The following PDE4D variants were observed in gnomAD, a reference collection of about 807,000 sequenced individuals.
The protein encoded by PDE4D is 3',5'-cyclic-AMP phosphodiesterase 4D.
A neutral mutation model predicts 87.4 loss-of-function variants in PDE4D; 24 were observed. That is an observed-to-expected ratio of 0.27 (90% confidence interval 0.20 to 0.39). The LOEUF is 0.39. Among genes scored for constraint, PDE4D ranks in the 10% least tolerant of loss-of-function variants. The pLI, the probability that PDE4D is intolerant of heterozygous loss-of-function variation, is 1.00. For missense variants in PDE4D, 714 were observed against 1,041.0 expected, an observed-to-expected ratio of 0.69 and a Z score of 4.32; for synonymous variants, 384 against 383.2, an observed-to-expected ratio of 1.00 and a Z score of -0.02.
intron 1 of PDE4D, among the ~76,000 whole-genome samples, chr5:60,297,102 G>T (rs560834605): frequency 7.2e-5 from 11 of 152,162 alleles, no homozygotes; most frequent in African/African-American, 2.6e-4. Context: ...TATAAAAAAA[G>T]GTTTGAGTAT....
At chr5:59,081,874 C>T (rs917666407) in intron 5 of PDE4D, among the ~76,000 whole-genome samples, 6 of 152,016 alleles carry the variant, frequency 3.9e-5, no homozygotes, top group South Asian at 2.1e-4. Flanking sequence ...CCATGTGTTG[C>T]GGGAGGGACT....
intron 1 of PDE4D, among the ~76,000 whole-genome samples, chr5:60,465,487 G>T (rs1747280890): frequency 1.3e-5 from 2 of 152,090 alleles, no homozygotes; most frequent in Admixed American, 6.6e-5. Flanking sequence ...GTTCATTTAA[G>T]ATGGTCCAAG....
At chr5:59,987,322 G>C (rs1762549477) in intron 3 of PDE4D, 1 of 152,156 alleles carries the variant, frequency 6.6e-6, no homozygotes, top group Non-Finnish European at 1.5e-5. Flanking sequence ...CAATGTGTGT[G>C]CATTCTTCTT....
chr5:59,735,740 C>T (rs1445426996), intron 1 of PDE4D, among the ~76,000 whole-genome samples: 2 of 152,040 alleles, frequency 1.3e-5, no homozygotes, highest in African/African-American at 4.8e-5. Context: ...GATCTCAGCT[C>T]ACTGAAACCT....
At chr5:60,057,920 C>G (rs1770957244) in intron 2 of PDE4D, among the ~76,000 whole-genome samples, 1 of 151,930 alleles carries the variant, frequency 6.6e-6, no homozygotes, top group Non-Finnish European at 1.5e-5. Flanking sequence ...GGTCTATAGT[C>G]CCCTAAAATT....
At chr5:59,784,340 G>T (rs906194570) in intron 1 of PDE4D, among the ~76,000 whole-genome samples, 1 of 151,614 alleles carries the variant, frequency 6.6e-6, no homozygotes, top group African/African-American at 2.4e-5. Context: ...AAAGATTAAA[G>T]TCAGTACAAA....
intron 1 of PDE4D, among the ~76,000 whole-genome samples, chr5:60,276,700 C>T (rs1339450214): frequency 6.6e-6 from 1 of 152,114 alleles, no homozygotes; most frequent in East Asian, 1.9e-4. Context: ...TATTCTGGTT[C>T]TGGGGGTTGT....
At chr5:60,181,642 A>G (rs1247043609) in intron 2 of PDE4D, among the ~76,000 whole-genome samples, 5 of 152,264 alleles carry the variant, frequency 3.3e-5, no homozygotes, top group African/African-American at 9.6e-5. Context: ...AATCCAATTA[A>G]GTAGATGACA....
chr5:60,023,910 C>T (rs1766354890), intron 2 of PDE4D, among the ~76,000 whole-genome samples: 1 of 152,126 alleles, frequency 6.6e-6, no homozygotes, highest in Admixed American at 6.6e-5. Flanking sequence ...ACTAATAATT[C>T]CCAACCATAG....
chr5:59,882,838 C>T (rs567989318), intron 1 of PDE4D, among the ~76,000 whole-genome samples: 11 of 151,088 alleles, frequency 7.3e-5, no homozygotes, highest in East Asian at 5.8e-4. Flanking sequence ...AGTTCAGTGG[C>T]GCGATCTTGG....
intron 1 of PDE4D, among the ~76,000 whole-genome samples, chr5:60,203,674 A>T (rs1742174817): frequency 6.6e-6 from 1 of 152,234 alleles, no homozygotes; most frequent in Admixed American, 6.5e-5. Flanking sequence ...GTAGCTAAAG[A>T]TCCAAAAAAG....
intron 5 of PDE4D, among the ~76,000 whole-genome samples, chr5:59,124,047 G>T (rs1341798926): frequency 1.3e-5 from 2 of 152,172 alleles, no homozygotes; most frequent in African/African-American, 4.8e-5. Context: ...CTGTGGAAAA[G>T]GTATAACCTT....
chr5:60,186,085 G>A (rs1583007320), intron 1 of PDE4D, among the ~76,000 whole-genome samples: 1 of 152,150 alleles, frequency 6.6e-6, no homozygotes, highest in African/African-American at 2.4e-5. Flanking sequence ...GTGATCCACT[G>A]CTGGAGGAAT....
chr5:60,352,888 T>G (rs144630174), intron 1 of PDE4D, among the ~76,000 whole-genome samples: 2 of 152,192 alleles, frequency 1.3e-5, no homozygotes, highest in Admixed American at 1.3e-4. Context: ...CTCCCACAAA[T>G]GTCCATGAAA....
chr5:59,891,998 T>C (rs1394416480), intron 1 of PDE4D, among the ~76,000 whole-genome samples: 1 of 152,182 alleles, frequency 6.6e-6, no homozygotes, highest in African/African-American at 2.4e-5. Flanking sequence ...TGTCCACATC[T>C]AAGGTTAGAT....
chr5:60,108,126 A>G (rs896843309), intron 2 of PDE4D, among the ~76,000 whole-genome samples: 5 of 151,896 alleles, frequency 3.3e-5, no homozygotes, highest in Non-Finnish European at 7.4e-5. Flanking sequence ...TCTCAGCCCA[A>G]AATCTCCTTA....
At chr5:59,066,487 C>G (rs1326888250) in intron 5 of PDE4D, among the ~76,000 whole-genome samples, 2 of 152,110 alleles carry the variant, frequency 1.3e-5, no homozygotes, top group Non-Finnish European at 2.9e-5. Context: ...CCATTTGTTA[C>G]AGCAGAATGC....
In PDE4D at chr5:60,245,857, G is replaced by T. The variant is rs1199846016; in HGVS notation, c.-89-60170C>A. On this transcript the variant is annotated intron_variant, in intron 1 of 16. Coordinates refer to the PDE4D transcript ENST00000502484. ...ATAGAAAGAATGAATAAGACCTAAG[G>T]TTTGCTAGCCCAACAGGGTGACTAT... Among the ~76,000 whole-genome samples, 3 of 151,528 alleles carry T rather than the reference G, an allele frequency of 2.0e-5. No individual in the cohort carries two copies. In the East Asian group the frequency reaches 5.8e-4, roughly 29 times the overall value.
At chr5:59,293,693 T>A (rs988641891) in intron 1 of PDE4D, among the ~76,000 whole-genome samples, 15 of 152,288 alleles carry the variant, frequency 9.8e-5, no homozygotes, top group African/African-American at 3.6e-4. Flanking sequence ...AAATAGGAAC[T>A]ATAATAATAA....
Sources: allele counts gnomAD v4.1 joint callset (sites outside exome capture counted in the v4.1 genomes callset), GRCh38; gene constraint gnomAD v4.1.1; transcripts MANE v1.5; gene names NCBI Gene and HGNC (gene_info 2026-07-23, HGNC 2026-07-21).